The following SLCO3A1 variants were observed in gnomAD, a reference collection of about 807,000 sequenced individuals.
SLCO3A1 encodes the protein solute carrier organic anion transporter family member 3A1, also known as PGE1 transporter.
Under a neutral mutation model 63.1 loss-of-function variants are expected in SLCO3A1, and 27 were observed. That is an observed-to-expected ratio of 0.43 (90% CI 0.32 to 0.59). The LOEUF is 0.59. Among genes scored for constraint, SLCO3A1 ranks in the 20% least tolerant of loss-of-function variants. The probability of loss-of-function intolerance (pLI) is 0.09; values close to 1 mark genes in which losing one functional copy is unlikely to be tolerated. For missense variants in SLCO3A1, 773 were observed against 945.8 expected (o/e 0.82, Z 2.40); for synonymous variants, 473 against 409.9 (o/e 1.15, Z -1.86).
At chr15:91,995,459 A>G (rs954220025) in intron 2 of SLCO3A1, among the ~76,000 whole-genome samples, 1 of 152,218 alleles carries the variant, frequency 6.6e-6, no homozygotes, top group African/African-American at 2.4e-5. Context: ...TAGGAAGCTA[A>G]TGGTTAGGAA....
At chr15:91,937,483 G>T (rs1456595837) in intron 2 of SLCO3A1, among the ~76,000 whole-genome samples, 1 of 152,136 alleles carries the variant, frequency 6.6e-6, no homozygotes, top group East Asian at 1.9e-4. Context: ...ACTTCCGGAG[G>T]CCGAGGTGGG....
In SLCO3A1 at chr15:92,054,267, T is replaced by C. The variant is rs534430704; in HGVS notation, c.647-40614T>C. On this transcript the variant is annotated intron_variant, in intron 2 of 9. Coordinates refer to ENST00000318445, the MANE Select transcript of SLCO3A1 (RefSeq NM_013272.4). ...ATGCTGTATTAAAATGGGGATGCTT[T>C]TGTGCCTGTCTTGTGGAGCTGTCCT... is the stretch of plus-strand genomic sequence containing the variant. Among the ~76,000 whole-genome samples, 14 of 152,318 alleles carry C rather than the reference T, an allele frequency of 9.2e-5. No individual in the cohort carries two copies. In the East Asian group the frequency reaches 2.7e-3, roughly 29 times the overall value.
chr15:91,872,658 C>T lies in SLCO3A1; in HGVS notation c.180+18570C>T, dbSNP rs912379427. On this transcript the variant is annotated intron_variant, in intron 1 of 9. Coordinates refer to ENST00000318445, the MANE Select transcript of SLCO3A1 (RefSeq NM_013272.4). The surrounding 1 kb of genome is among the most constrained non-coding windows in gnomAD (Gnocchi z 4.1). Reference sequence around the variant, plus strand: ...AATTCCCTTCTCTTTGATCACACCACGCCTTGAAAAAATTCGCAGCTGAAT... The same window carrying T: ...AATTCCCTTCTCTTTGATCACACCATGCCTTGAAAAAATTCGCAGCTGAAT... Among the ~76,000 whole-genome samples, 4 of 152,214 alleles carry T rather than the reference C, an allele frequency of 2.6e-5. No individual in the cohort carries two copies. Among genetic ancestry groups the T allele is most frequent in the Admixed American group, 2.0e-4 (3 of 15,284 alleles).
intron 2 of SLCO3A1, among the ~76,000 whole-genome samples, chr15:92,052,155 G>A (rs1377468754): frequency 6.6e-6 from 1 of 152,160 alleles, no homozygotes; most frequent in Non-Finnish European, 1.5e-5. Context: ...CAGAACTTGT[G>A]TGGTTGGTCT....
chr15:92,089,280 C>G (rs911355583), intron 2 of SLCO3A1, among the ~76,000 whole-genome samples: 4 of 152,192 alleles, frequency 2.6e-5, no homozygotes, highest in Non-Finnish European at 5.9e-5. Context: ...CTTGCCTCAG[C>G]CTCCCAGAGC....
chr15:91,939,558 C>T (rs1441295366), intron 2 of SLCO3A1, among the ~76,000 whole-genome samples: 1 of 152,180 alleles, frequency 6.6e-6, no homozygotes, highest in Non-Finnish European at 1.5e-5. Context: ...GGCAGATGCT[C>T]AGCCACAGAT....
chr15:92,030,212 G>A (rs968112025), intron 2 of SLCO3A1, among the ~76,000 whole-genome samples: 5 of 152,240 alleles, frequency 3.3e-5, no homozygotes, highest in East Asian at 1.9e-4. Flanking sequence ...CAAAAGCTAC[G>A]TGTTAGACAC....
chr15:92,050,332 G>A (rs2046941786), intron 2 of SLCO3A1, among the ~76,000 whole-genome samples: 1 of 152,160 alleles, frequency 6.6e-6, no homozygotes, highest in Non-Finnish European at 1.5e-5. Flanking sequence ...CAGATGACAA[G>A]GCAATTTATT....
At chr15:91,908,192 C>A (rs952962739) in intron 1 of SLCO3A1, among the ~76,000 whole-genome samples, 1 of 152,032 alleles carries the variant, frequency 6.6e-6, no homozygotes, top group Non-Finnish European at 1.5e-5. Flanking sequence ...CACACATTTT[C>A]CACTGTAATC....
intron 2 of SLCO3A1, among the ~76,000 whole-genome samples, chr15:91,930,026 C>G (rs1462914858): frequency 1.3e-5 from 2 of 152,096 alleles, no homozygotes; most frequent in Non-Finnish European, 2.9e-5. Context: ...TATTTTCAGC[C>G]TTATAAAAGT....
In SLCO3A1 at chr15:92,070,390, C is replaced by T. The variant is rs1317579762; in HGVS notation, c.647-24491C>T. On this transcript the variant is annotated intron_variant, in intron 2 of 9. Coordinates refer to ENST00000318445, the MANE Select transcript of SLCO3A1 (RefSeq NM_013272.4). ...GGGTGCGGTGGCTTACGCCTGTAATCGCAGCACTTTGGGAGGCCAAGGTGG... is the reference window on the plus strand; with the variant it reads ...GGGTGCGGTGGCTTACGCCTGTAATTGCAGCACTTTGGGAGGCCAAGGTGG... 2.0e-5 allele frequency among the ~76,000 whole-genome samples: 3 copies of T among 152,176 alleles called. No homozygotes were observed. The South Asian group carries it at 6.2e-4, about 32-fold the overall frequency.
intron 5 of SLCO3A1, among the ~76,000 whole-genome samples, chr15:92,124,507 G>T (rs948177525): frequency 6.9e-6 from 1 of 145,866 alleles, no homozygotes; most frequent in African/African-American, 2.8e-5. Flanking sequence ...CATCCAATCT[G>T]TTCCTTAGCT....
At chr15:91,861,781 G>C (rs987228030) in intron 1 of SLCO3A1, among the ~76,000 whole-genome samples, 1 of 151,520 alleles carries the variant, frequency 6.6e-6, no homozygotes, top group African/African-American at 2.4e-5. Context: ...ATACCACCAA[G>C]CCTGGCTAGT....
At position 91,882,603 on chromosome 15, in the gene SLCO3A1, C is replaced by A. The variant is rs1478725377; in HGVS notation, c.180+28515C>A. 6.6e-6 allele frequency among the ~76,000 whole-genome samples: 1 copy of A among 152,118 alleles called. No individual in the cohort carries two copies. Among genetic ancestry groups the A allele is most frequent in the Non-Finnish European group, 1.5e-5 (1 of 68,018 alleles). The stretch of plus-strand genomic sequence containing the variant: ...GATCTCAGCTCACTGCAACCTCCGC[C>A]TCCCGGGTTCAAGCGATTCTCTTGC... On this transcript the variant is annotated intron_variant, in intron 1 of 9. Transcript: ENST00000318445. This position sits in a 1 kb window ranked among gnomAD's most constrained non-coding sequence, Gnocchi z 4.4.
rs565844065 is a variant in SLCO3A1 at position 91,938,986 on chromosome 15, C to A, written c.646+22528C>A. On this transcript the variant is annotated intron_variant, in intron 2 of 9. Transcript: ENST00000318445. ...TGCCCCCCTCTGGGCTCATCTGGGC[C>A]TGTCCCCTGCTCTACTTGTGGAAGC... is the stretch of plus-strand genomic sequence containing the variant. Among the ~76,000 whole-genome samples, 43 of 152,296 alleles carry A rather than the reference C, an allele frequency of 2.8e-4. No homozygotes were observed. The South Asian group carries it at 4.4e-3, about 15-fold the overall frequency.
intron 2 of SLCO3A1, among the ~76,000 whole-genome samples, chr15:91,973,563 G>C (rs192094825): frequency 6.6e-6 from 1 of 152,230 alleles, no homozygotes; most frequent in Non-Finnish European, 1.5e-5. Context: ...TTGAGTGAGC[G>C]ATTGCAGGAT....
intron 4 of SLCO3A1, among the ~76,000 whole-genome samples, chr15:92,115,429 A>G (rs761324405): frequency 1.4e-4 from 21 of 152,258 alleles, no homozygotes; most frequent in Non-Finnish European, 2.5e-4. Context: ...GAGGAACACT[A>G]CACATGACAA....
At chr15:92,059,298 C>T (rs2151504449) in intron 2 of SLCO3A1, among the ~76,000 whole-genome samples, 1 of 152,358 alleles carries the variant, frequency 6.6e-6, no homozygotes, top group East Asian at 1.9e-4. Flanking sequence ...TGTCGGGTGC[C>T]CTGTGGCTGG....
chr15:91,888,325 A>G (rs1012089901), intron 1 of SLCO3A1, among the ~76,000 whole-genome samples: 9 of 152,134 alleles, frequency 5.9e-5, no homozygotes, highest in African/African-American at 2.2e-4. Context: ...CGGCTCTCTT[A>G]TTACATCCTG....
Sources: allele counts gnomAD v4.1 joint callset (sites outside exome capture counted in the v4.1 genomes callset), GRCh38; gene constraint gnomAD v4.1.1; non-coding constraint Gnocchi (gnomAD v3.1); transcripts MANE v1.5; gene names NCBI Gene and HGNC (gene_info 2026-07-23, HGNC 2026-07-21).